NTRK2: variants seen among roughly 807,000 people sequenced by gnomAD.
NTRK2 encodes the protein neurotrophic receptor tyrosine kinase 2.
A neutral mutation model predicts 94.5 loss-of-function variants in NTRK2; 13 were observed. The ratio of observed to expected loss-of-function variants is 0.14; its 90% confidence interval spans 0.09 to 0.22. NTRK2 has a LOEUF of 0.22. NTRK2 is among the 10% of genes least tolerant of loss of function. The probability of loss-of-function intolerance (pLI) is 1.00; values close to 1 mark genes in which losing one functional copy is unlikely to be tolerated. For synonymous variants in NTRK2, 372 were observed against 407.4 expected (o/e 0.91, Z 1.05); for missense variants, 639 against 1,071.2 (o/e 0.60, Z 5.63).
chr9:84,710,688 G>T lies in NTRK2; in HGVS notation c.480G>T (p.Lys160Asn). The T allele has an allele frequency of 6.2e-7, 1 of 1,614,156 alleles. No homozygotes were observed. Among genetic ancestry groups the T allele is most frequent in the African/African-American group, 1.3e-5 (1 of 75,052 alleles). The change falls in exon 6 of 19, where the codon AAG (lysine) becomes AAT (asparagine). Residue 160 changes from lysine to asparagine, a missense_variant. By Grantham distance (94) the Lys-to-Asn change is moderately conservative (BLOSUM62 0). Transcript: ENST00000277120. ...FTCSCDIMWI[K>N]TLQEAKSSPD... is the part of the protein sequence containing the mutation. ...GCTCCTGTGACATTATGTGGATCAA[G>T]ACTCTCCAAGAGGCTAAATCCAGTC...
intron 14 of NTRK2, chr9:84,874,684 C>A: frequency 1.9e-6 from 2 of 1,062,176 alleles, no homozygotes; most frequent in Non-Finnish European, 1.1e-6. Flanking sequence ...AATCTCTCTC[C>A]TTGGACTCAG....
intron 2 of NTRK2, among the ~76,000 whole-genome samples, chr9:84,684,919 C>A (rs2059615699): frequency 6.6e-6 from 1 of 151,956 alleles, no homozygotes; most frequent in African/African-American, 2.4e-5. Flanking sequence ...TATGATATTT[C>A]TTTTCTTCTC....
At chr9:84,960,921 A>ACTCCCACCAGGG (rs1318538613) in intron 17 of NTRK2, among the ~76,000 whole-genome samples, 51 of 152,092 alleles carry the variant, frequency 3.4e-4, no homozygotes, top group African/African-American at 1.2e-3. Context: ...TCCCACCAGG[A>ACTCCCACCAGGG]CTCCCACTTT....
intron 2 of NTRK2, among the ~76,000 whole-genome samples, chr9:84,675,684 GA>G (rs897443405): frequency 2.6e-5 from 4 of 151,448 alleles, no homozygotes; most frequent in African/African-American, 7.3e-5. Flanking sequence ...ATAGAGGGAA[GA>G]AAAAAAACCC....
At chr9:84,717,119 T>C (rs1233629349) in intron 6 of NTRK2, among the ~76,000 whole-genome samples, 1 of 152,188 alleles carries the variant, frequency 6.6e-6, no homozygotes, top group Non-Finnish European at 1.5e-5. Flanking sequence ...TTCTGTTATG[T>C]GTGCACAAAT....
chr9:84,761,707 C>T (rs1439113368), intron 12 of NTRK2, among the ~76,000 whole-genome samples: 1 of 152,164 alleles, frequency 6.6e-6, no homozygotes, highest in African/African-American at 2.4e-5. Flanking sequence ...CATCTGGAGC[C>T]AACACTAAAT....
intron 14 of NTRK2, among the ~76,000 whole-genome samples, chr9:84,920,943 C>G (rs1292215146): frequency 6.6e-6 from 1 of 152,176 alleles, no homozygotes; most frequent in Non-Finnish European, 1.5e-5. Flanking sequence ...ATATAATCTA[C>G]TCGGAATATT....
intron 2 of NTRK2, among the ~76,000 whole-genome samples, chr9:84,692,468 C>CTTTTTTTTTTTTTT (rs71369138): frequency 2.3e-5 from 2 of 87,694 alleles, no homozygotes; most frequent in African/African-American, 4.4e-5. Flanking sequence ...TTCTTTTTTT[C>CTTTTTTTTTTTTTT]TTTTTTTTTT....
At chr9:84,863,080 A>G (rs2075407939) in intron 13 of NTRK2, among the ~76,000 whole-genome samples, 1 of 152,140 alleles carries the variant, frequency 6.6e-6, no homozygotes. Flanking sequence ...TTCCTCCAGG[A>G]TTAGCACGGC....
intron 12 of NTRK2, among the ~76,000 whole-genome samples, chr9:84,804,376 C>T (rs1305241466): frequency 6.6e-6 from 1 of 152,144 alleles, no homozygotes; most frequent in African/African-American, 2.4e-5. Flanking sequence ...ACTGGCTGAC[C>T]TATGTGTACT....
chr9:85,017,744 A>G (rs895885464), intron 17 of NTRK2, among the ~76,000 whole-genome samples: 1 of 152,216 alleles, frequency 6.6e-6, no homozygotes, highest in Non-Finnish European at 1.5e-5. Context: ...CTCAGACAGC[A>G]TAACAAGAAG....
intron 12 of NTRK2, among the ~76,000 whole-genome samples, chr9:84,843,082 CAT>C (rs1401376963): frequency 6.6e-6 from 1 of 152,176 alleles, no homozygotes; most frequent in Non-Finnish European, 1.5e-5. Context: ...AATGGGGGGT[CAT>C]AGCATCTACT....
At chr9:84,844,665 AC>A (rs2074373408) in intron 12 of NTRK2, among the ~76,000 whole-genome samples, 3 of 151,184 alleles carry the variant, frequency 2.0e-5, no homozygotes, top group African/African-American at 4.9e-5. Flanking sequence ...ACACACACAC[AC>A]ACACACACAC....
At chr9:84,732,051 A>G (rs531481951) in intron 9 of NTRK2, among the ~76,000 whole-genome samples, 1 of 152,338 alleles carries the variant, frequency 6.6e-6, no homozygotes, top group South Asian at 2.1e-4. Flanking sequence ...CCCACATTTA[A>G]GAATTGAACT....
At chr9:84,886,271 T>A (rs1220888894) in intron 14 of NTRK2, among the ~76,000 whole-genome samples, 6 of 152,184 alleles carry the variant, frequency 3.9e-5, no homozygotes, top group Non-Finnish European at 8.8e-5. Flanking sequence ...TAACTCTTCA[T>A]GAGGTTGATG....
intron 9 of NTRK2, among the ~76,000 whole-genome samples, chr9:84,733,858 C>T (rs763145595): frequency 6.6e-6 from 1 of 152,172 alleles, no homozygotes; most frequent in Non-Finnish European, 1.5e-5. Context: ...ATAGGTGGAA[C>T]CTCTAAGATT....
At chr9:84,801,082 G>A (rs765611376) in intron 12 of NTRK2, among the ~76,000 whole-genome samples, 4 of 152,192 alleles carry the variant, frequency 2.6e-5, no homozygotes, top group Admixed American at 6.5e-5. Flanking sequence ...TTCACTGCTC[G>A]TGCCTGCGAA....
At chr9:84,936,681 A>G (rs1273034837) in intron 15 of NTRK2, among the ~76,000 whole-genome samples, 2 of 152,170 alleles carry the variant, frequency 1.3e-5, no homozygotes, top group Non-Finnish European at 2.9e-5. Flanking sequence ...GAAAAACAAG[A>G]TTTAATTCTT....
chr9:84,702,306 A>C (rs905967440), intron 3 of NTRK2, 42 bp from the exon 4 acceptor site: 1 of 1,610,448 alleles, frequency 6.2e-7, no homozygotes, highest in Non-Finnish European at 8.5e-7. Flanking sequence ...GCAGGCATTC[A>C]CTGGTTCGTT....
Sources: gnomAD v4.1 joint callset for allele counts (sites outside exome capture counted in the v4.1 genomes callset) on GRCh38, gnomAD v4.1.1 for gene constraint, MANE v1.5 for transcripts, NCBI Gene and HGNC (gene_info 2026-07-23, HGNC 2026-07-21) for gene names.